Variants in WWC2 observed in about 807,000 individuals in gnomAD.
The protein encoded by WWC2 is WW and C2 domain containing 2.
Under a neutral mutation model 138.5 loss-of-function variants are expected in WWC2, and 101 were observed. The observed-to-expected ratio is 0.73, with a 90% CI of 0.62 to 0.86. The LOEUF (loss-of-function observed/expected upper bound fraction) is 0.86, where lower values mean the gene tolerates loss of function less well. Ranked by LOEUF, WWC2 falls within the 40% of genes least tolerant of loss-of-function variation. The pLI is 0.00. For missense variants in WWC2, 1,420 were observed against 1,419.4 expected, an observed-to-expected ratio of 1.00 and a Z score of -0.01; for synonymous variants, 558 against 538.4, an observed-to-expected ratio of 1.04 and a Z score of -0.50.
intron 21 of WWC2, among the ~76,000 whole-genome samples, chr4:183,300,253 C>T (rs986083522): frequency 2.6e-5 from 4 of 151,954 alleles, no homozygotes; most frequent in South Asian, 2.1e-4. Context: ...GGCATCTTAT[C>T]GTGATTCGTT....
intron 4 of WWC2, among the ~76,000 whole-genome samples, chr4:183,230,272 T>A (rs77029950): frequency 3.9e-5 from 6 of 152,030 alleles, no homozygotes; most frequent in African/African-American, 1.5e-4. Context: ...GGAGAAAAAC[T>A]TAAAGCTTTA....
chr4:183,193,630 G>A lies in WWC2; in HGVS notation c.163G>A (p.Val55Ile), dbSNP rs1002269612. 3 of 1,613,970 alleles carry A rather than the reference G, an allele frequency of 1.9e-6. No individual in the cohort carries two copies. In the South Asian group the frequency reaches 3.3e-5, roughly 18 times the overall value. ...GAAGCCCTTGTCATTTGCTGATTGT[G>A]TTGGGGATGAGCTGCCGTGGGGATG... is the stretch of plus-strand genomic sequence containing the variant. ...LTKPLSFADC[V>I]GDELPWGWEA... Residue 55 changes from valine (V) to isoleucine (I), a missense_variant, in exon 2 of 23, where the codon GTT becomes ATT. Coordinates refer to ENST00000403733, the MANE Select transcript of WWC2 (RefSeq NM_024949.6).
At chr4:183,176,904 C>A (rs1172618403) in intron 1 of WWC2, among the ~76,000 whole-genome samples, 1 of 152,100 alleles carries the variant, frequency 6.6e-6, no homozygotes, top group East Asian at 1.9e-4. Flanking sequence ...TTTTTCAATA[C>A]TGCAAAACAA....
chr4:183,167,334 C>A (rs1294751571), intron 1 of WWC2, among the ~76,000 whole-genome samples: 2 of 152,074 alleles, frequency 1.3e-5, no homozygotes, highest in African/African-American at 4.8e-5. Flanking sequence ...GAGAATAAAG[C>A]CTTTTATACA....
chr4:183,145,343 A>ATT (rs149203244), intron 1 of WWC2, among the ~76,000 whole-genome samples: 2 of 151,818 alleles, frequency 1.3e-5, no homozygotes, highest in African/African-American at 4.8e-5. Flanking sequence ...TAGAAGGATT[A>ATT]TTTTTTTTAT....
intron 1 of WWC2, among the ~76,000 whole-genome samples, chr4:183,120,715 G>A (rs1379771666): frequency 6.6e-6 from 1 of 152,044 alleles, no homozygotes; most frequent in East Asian, 1.9e-4. Flanking sequence ...TAGTTTTGGG[G>A]AAGTTCTCTT....
At chr4:183,129,943 T>C (rs1732871361) in intron 1 of WWC2, among the ~76,000 whole-genome samples, 1 of 152,178 alleles carries the variant, frequency 6.6e-6, no homozygotes, top group Admixed American at 6.5e-5. Context: ...GCAGGGCTGT[T>C]GTGTTTTCTG....
At position 183,100,562 on chromosome 4, in the gene WWC2, A is replaced by G. The variant is rs144507683; in HGVS notation, c.131+940A>G. ...CACCAGGGATAACTTCGACATTTGG[A>G]CTTTTGTCATTTCTGAAAATTATAA... On this transcript the variant is annotated intron_variant, in intron 1 of 22. Transcript: ENST00000403733. Among the ~76,000 whole-genome samples the G allele has an allele frequency of 6.4e-3, 970 of 152,296 alleles. 25 individuals carry two copies. Among genetic ancestry groups the G allele is most frequent in the Non-Finnish European group, 4.4e-3 (298 of 68,020 alleles).
intron 1 of WWC2, among the ~76,000 whole-genome samples, chr4:183,162,143 T>C (rs1435743815): frequency 6.6e-6 from 1 of 151,800 alleles, no homozygotes; most frequent in Non-Finnish European, 1.5e-5. Context: ...TGCTCTGTAT[T>C]GTAAGTTATA....
rs772364256 is a variant in WWC2 at position 183,103,331 on chromosome 4, CTTTTTTT to C, written c.131+3722_131+3728del. Among the ~76,000 whole-genome samples, 820 of 123,802 alleles carry C rather than the reference CTTTTTTT, an allele frequency of 6.6e-3. 14 individuals are homozygous for C. Among genetic ancestry groups the C allele is most frequent in the Non-Finnish European group, 8.1e-3 (477 of 58,776 alleles). 81.2% of individuals were successfully genotyped at this position (123,802 alleles called of 152,430 possible). On this transcript the variant is annotated intron_variant, in intron 1 of 22. Coordinates refer to ENST00000403733, the MANE Select transcript of WWC2 (RefSeq NM_024949.6). ...TAGGATCAGAGGAACTCTGTATTGT[CTTTTTTT>C]TTTTTTTTTTTTGAGACGGTGTTTT... is the stretch of plus-strand genomic sequence containing the variant.
intron 4 of WWC2, among the ~76,000 whole-genome samples, chr4:183,226,564 T>C (rs919891535): frequency 5.3e-5 from 8 of 151,910 alleles, no homozygotes; most frequent in Admixed American, 2.0e-4. Context: ...CAGACTAAAC[T>C]GAAAGAAGAC....
intron 1 of WWC2, among the ~76,000 whole-genome samples, chr4:183,147,996 G>A (rs1020801126): frequency 3.9e-5 from 6 of 152,076 alleles, no homozygotes; most frequent in African/African-American, 9.7e-5. Context: ...TAAAAAAAAA[G>A]CAGGTTATAA....
chr4:183,117,783 T>TG (rs1007187622), intron 1 of WWC2, among the ~76,000 whole-genome samples: 1 of 151,118 alleles, frequency 6.6e-6, no homozygotes, highest in African/African-American at 2.4e-5. Context: ...AGACCTTGAT[T>TG]GGGGATCTTT....
intron 21 of WWC2, among the ~76,000 whole-genome samples, chr4:183,303,545 T>G (rs1738928660): frequency 6.6e-6 from 1 of 152,218 alleles, no homozygotes; most frequent in Non-Finnish European, 1.5e-5. Context: ...CACCGTGAAT[T>G]ACATAACTTT....
intron 4 of WWC2, among the ~76,000 whole-genome samples, chr4:183,212,533 C>G (rs1304573877): frequency 6.6e-6 from 1 of 152,174 alleles, no homozygotes; most frequent in Admixed American, 6.5e-5. Context: ...AACTCCAATA[C>G]TCGAGCTGTG....
chr4:183,133,131 T>TTTTC (rs908688300), intron 1 of WWC2, among the ~76,000 whole-genome samples: 1 of 146,830 alleles, frequency 6.8e-6, no homozygotes, highest in Non-Finnish European at 1.5e-5. Flanking sequence ...CCTTTTTTTC[T>TTTTC]TTTCTTTCTT....
chr4:183,166,538 A>G (rs1734135824), intron 1 of WWC2, among the ~76,000 whole-genome samples: 4 of 152,198 alleles, frequency 2.6e-5, no homozygotes, highest in Admixed American at 6.5e-5. Context: ...ACATGAGTGA[A>G]GCAGGCCTGA....
intron 1 of WWC2, among the ~76,000 whole-genome samples, chr4:183,102,868 CTT>C (rs779381709): frequency 2.9e-4 from 35 of 118,712 alleles, no homozygotes; most frequent in African/African-American, 2.5e-4. Context: ...TGGCCTGGTG[CTT>C]TTTTTTTTTT....
chr4:183,260,725 C>G (rs1223654674), intron 10 of WWC2, among the ~76,000 whole-genome samples, 185 bp from the exon 11 acceptor site: 1 of 152,222 alleles, frequency 6.6e-6, no homozygotes, highest in Non-Finnish European at 1.5e-5. Flanking sequence ...CCATGCATTT[C>G]TCAGAACTAG....
Sources: allele counts gnomAD v4.1 joint callset (sites outside exome capture counted in the v4.1 genomes callset), GRCh38; gene constraint gnomAD v4.1.1; transcripts MANE v1.5; gene names NCBI Gene and HGNC (gene_info 2026-07-23, HGNC 2026-07-21).